Variants in CLEC16A observed in about 807,000 individuals in gnomAD.
The protein encoded by CLEC16A is protein CLEC16A.
CLEC16A carries 51 observed loss-of-function variants against 109.5 expected under a neutral mutation model. The ratio of observed to expected loss-of-function variants is 0.47; its 90% CI spans 0.37 to 0.59. The LOEUF (loss-of-function observed/expected upper bound fraction) is 0.59. Ranked by LOEUF, CLEC16A falls within the 20% of genes least tolerant of loss-of-function variation. The pLI is 0.00. For synonymous variants in CLEC16A, 673 were observed against 564.2 expected (o/e 1.19, Z -2.73); for missense variants, 1,339 against 1,394.0 (o/e 0.96, Z 0.63).
chr16:11,008,092 A>C (rs764827845), intron 11 of CLEC16A, among the ~76,000 whole-genome samples: 1 of 152,216 alleles, frequency 6.6e-6, no homozygotes, highest in Non-Finnish European at 1.5e-5. Context: ...GGTCGTTGTC[A>C]GGGGCTGTTT....
intron 19 of CLEC16A, among the ~76,000 whole-genome samples, chr16:11,084,523 G>A (rs181119155): frequency 6.6e-6 from 1 of 152,232 alleles, no homozygotes; most frequent in East Asian, 1.9e-4. Context: ...TCCAAAAATA[G>A]ACCATGACTC....
At chr16:11,016,379 C>A (rs1255294637) in intron 11 of CLEC16A, among the ~76,000 whole-genome samples, 1 of 149,460 alleles carries the variant, frequency 6.7e-6, no homozygotes, top group South Asian at 2.1e-4. Flanking sequence ...AACAGAGTCT[C>A]ACTCTGTCAC....
At chr16:11,015,539 A>G (rs1007719872) in intron 11 of CLEC16A, among the ~76,000 whole-genome samples, 1 of 152,200 alleles carries the variant, frequency 6.6e-6, no homozygotes, top group African/African-American at 2.4e-5. Flanking sequence ...AGTCAGAGGC[A>G]TTTGATGCCC....
intron 18 of CLEC16A, among the ~76,000 whole-genome samples, chr16:11,052,757 C>T (rs1337428779): frequency 1.3e-5 from 2 of 152,192 alleles, no homozygotes; most frequent in Non-Finnish European, 2.9e-5. Context: ...GACGTGCTCA[C>T]CCCCAGCCAG....
At chr16:11,004,810 T>A (rs2044893482) in intron 11 of CLEC16A, among the ~76,000 whole-genome samples, 1 of 151,870 alleles carries the variant, frequency 6.6e-6, no homozygotes, top group Non-Finnish European at 1.5e-5. Context: ...CTCCTCTTAT[T>A]TCTGTTTAAA....
At chr16:10,992,572 T>G (rs1268776860) in intron 10 of CLEC16A, among the ~76,000 whole-genome samples, 1 of 102,338 alleles carries the variant, frequency 9.8e-6, no homozygotes, top group East Asian at 4.5e-4. Flanking sequence ...TTAAATGGTT[T>G]TATTCACTCA....
Position 10,983,007 on chromosome 16 carries a change from C to A in CLEC16A, c.1071+16C>A. On this transcript the variant is annotated intron_variant, in intron 10 of 23. Coordinates refer to ENST00000409790, the MANE Select transcript of CLEC16A (RefSeq NM_015226.3). ...GAGAAGTTCTGTAAGTCATTAGCTT[C>A]GGGACTGACCTTAACAGGAAACCAT... 1.5e-6 allele frequency: 2 copies of A among 1,351,832 alleles called. No individual in the cohort carries two copies. The highest frequency in any genetic ancestry group is 1.1e-6 in the Non-Finnish European group (1 of 942,676). The allele number at this position is 1,351,832 out of a possible 1,614,324, so 83.7% of individuals were successfully genotyped here. A position where few individuals can be genotyped will look rare whatever the true frequency, so the allele number is the denominator to read the frequency against.
intron 11 of CLEC16A, among the ~76,000 whole-genome samples, chr16:11,010,639 T>G (rs1015280016): frequency 6.6e-6 from 1 of 152,224 alleles, no homozygotes; most frequent in African/African-American, 2.4e-5. Flanking sequence ...ATTAAGGTGT[T>G]CTCATTCATG....
At chr16:10,963,999 A>G (rs1301577249) in intron 3 of CLEC16A, among the ~76,000 whole-genome samples, 2 of 152,210 alleles carry the variant, frequency 1.3e-5, no homozygotes, top group East Asian at 1.9e-4. Flanking sequence ...TTCCAAGGTG[A>G]CTTCACCAAG....
intron 20 of CLEC16A, 22 bp downstream of exon 20, chr16:11,120,788 G>T: frequency 6.7e-7 from 1 of 1,485,922 alleles, no homozygotes; most frequent in Non-Finnish European, 9.0e-7. Context: ...AGGAGCTCTG[G>T]GATCTGTTCT....
chr16:11,124,637 G>T (rs148324416), intron 21 of CLEC16A, among the ~76,000 whole-genome samples: 9 of 152,338 alleles, frequency 5.9e-5, no homozygotes, highest in Admixed American at 3.9e-4. Flanking sequence ...TCTCCTCGGC[G>T]TGGGGGGAAG....
At chr16:11,146,136 C>T (rs1269790369) in intron 22 of CLEC16A, among the ~76,000 whole-genome samples, 1 of 152,188 alleles carries the variant, frequency 6.6e-6, no homozygotes, top group Non-Finnish European at 1.5e-5. Flanking sequence ...TCAGACCTCA[C>T]CATCTCAGAA....
intron 11 of CLEC16A, among the ~76,000 whole-genome samples, chr16:11,012,375 C>T (rs1386092688): frequency 6.6e-6 from 1 of 152,066 alleles, no homozygotes; most frequent in Non-Finnish European, 1.5e-5. Flanking sequence ...GTGGGCGGAT[C>T]ATGAGGTCAG....
Sources: gnomAD v4.1 joint callset for allele counts (sites outside exome capture counted in the v4.1 genomes callset) on GRCh38, gnomAD v4.1.1 for gene constraint, MANE v1.5 for transcripts, NCBI Gene and HGNC (gene_info 2026-07-23, HGNC 2026-07-21) for gene names.